CTNNA3: variants seen among roughly 807,000 people sequenced by gnomAD.
CTNNA3 encodes the protein catenin alpha 3, also known as catenin alpha-3.
Under a neutral mutation model 95.7 loss-of-function variants are expected in CTNNA3, and 76 were observed. The ratio of observed to expected loss-of-function variants is 0.79; its 90% CI spans 0.66 to 0.96. The LOEUF (loss-of-function observed/expected upper bound fraction) is 0.96. Among genes scored for constraint, CTNNA3 ranks in the 40% least tolerant of loss-of-function variants. The pLI, the probability that CTNNA3 is intolerant of heterozygous loss-of-function variation, is 0.00. For synonymous variants in CTNNA3, 431 were observed against 374.4 expected (o/e 1.15, Z -1.74); for missense variants, 1,191 against 1,089.8 (o/e 1.09, Z -1.31).
chr10:66,433,658 T>C (rs2131757003), intron 11 of CTNNA3, among the ~76,000 whole-genome samples: 1 of 152,356 alleles, frequency 6.6e-6, no homozygotes, highest in South Asian at 2.1e-4. Context: ...TTAGATCCCA[T>C]TTGTCAATTT....
At chr10:66,207,901 T>C (rs1447058806) in intron 13 of CTNNA3, among the ~76,000 whole-genome samples, 7 of 151,998 alleles carry the variant, frequency 4.6e-5, no homozygotes, top group African/African-American at 9.7e-5. Context: ...AAAAAAAATA[T>C]TGTGCTGTAG....
intron 10 of CTNNA3, among the ~76,000 whole-genome samples, chr10:66,620,930 T>C (rs1310311403): frequency 1.3e-5 from 2 of 152,146 alleles, no homozygotes; most frequent in Admixed American, 6.5e-5. Context: ...TGGTCTTTAT[T>C]AGGAAGTATC....
intron 5 of CTNNA3, among the ~76,000 whole-genome samples, chr10:67,439,058 A>G (rs1437768902): frequency 6.6e-6 from 1 of 152,176 alleles, no homozygotes; most frequent in African/African-American, 2.4e-5. Context: ...ACCTAGGGAC[A>G]GAGTGAAAAA....
intron 17 of CTNNA3, among the ~76,000 whole-genome samples, chr10:65,941,806 A>C (rs1026564396): frequency 5.3e-5 from 8 of 152,208 alleles, no homozygotes; most frequent in Non-Finnish European, 1.0e-4. Context: ...CCAAACACAA[A>C]GAGTCCTGAA....
chr10:66,733,845 T>G (rs1174038597), intron 9 of CTNNA3, among the ~76,000 whole-genome samples: 1 of 151,782 alleles, frequency 6.6e-6, no homozygotes, highest in Non-Finnish European at 1.5e-5. Context: ...TGGCTTATTG[T>G]GTGTAAAATA....
chr10:66,084,154 A>AAAAAAAG lies in CTNNA3; in HGVS notation c.1978-14666_1978-14665insCTTTTTT, dbSNP rs1564627073. On this transcript the variant is annotated intron_variant, in intron 14 of 17. Transcript: ENST00000433211. ...TCATCTCAAAAAAAAAAAAGAAAAA[A>AAAAAAAG]AAAGAAAAAGAAAAAAAGAAAAGGA... Among the ~76,000 whole-genome samples, 19 of 141,388 alleles carry AAAAAAAG rather than the reference A, an allele frequency of 1.3e-4. 2 individuals are homozygous for AAAAAAAG. Among genetic ancestry groups the AAAAAAAG allele is most frequent in the South Asian group, 4.7e-4 (2 of 4,216 alleles). The allele number at this position is 141,388 out of a possible 152,430, so 92.8% of individuals were successfully genotyped here.
chr10:65,991,722 A>G (rs1207180238), intron 15 of CTNNA3, among the ~76,000 whole-genome samples: 1 of 152,026 alleles, frequency 6.6e-6, no homozygotes, highest in Non-Finnish European at 1.5e-5. Context: ...CCCATTTTCC[A>G]ATTTGGATGA....
At chr10:67,101,394 A>T (rs192679282) in intron 7 of CTNNA3, among the ~76,000 whole-genome samples, 1 of 151,726 alleles carries the variant, frequency 6.6e-6, no homozygotes, top group African/African-American at 2.4e-5. Flanking sequence ...TTTTGGCAAG[A>T]TTTCTTCTTA....
intron 5 of CTNNA3, among the ~76,000 whole-genome samples, chr10:67,458,644 C>T (rs761040047): frequency 3.3e-5 from 5 of 151,886 alleles, no homozygotes; most frequent in Admixed American, 6.6e-5. Flanking sequence ...TTTGGAAGGC[C>T]GAAGTGGTCA....
At chr10:66,469,260 G>C (rs372217263) in intron 11 of CTNNA3, among the ~76,000 whole-genome samples, 1 of 151,952 alleles carries the variant, frequency 6.6e-6, no homozygotes, top group African/African-American at 2.4e-5. Flanking sequence ...AAGCTGTCAA[G>C]GAATTTTCAA....
At chr10:67,040,120 A>G (rs1854301259) in intron 7 of CTNNA3, among the ~76,000 whole-genome samples, 1 of 152,082 alleles carries the variant, frequency 6.6e-6, no homozygotes, top group Non-Finnish European at 1.5e-5. Context: ...CTATGACAAC[A>G]TCATTCAGCC....
chr10:67,076,109 G>A (rs144153712), intron 7 of CTNNA3, among the ~76,000 whole-genome samples: 1 of 152,304 alleles, frequency 6.6e-6, no homozygotes, highest in African/African-American at 2.4e-5. Context: ...TATGTAGAAA[G>A]ATGGGAGGGT....
chr10:67,615,070 G>A lies in CTNNA3; in HGVS notation c.100-8021C>T, dbSNP rs564538099. On this transcript the variant is annotated intron_variant, in intron 2 of 17. Coordinates refer to ENST00000433211, the MANE Select transcript of CTNNA3 (RefSeq NM_013266.4). ...GTCACATTCTGAGAAACTGGGGTTA[G>A]GGCTTCAATATGTGAATGTTGGGGT... is the stretch of plus-strand genomic sequence containing the variant. Among the ~76,000 whole-genome samples the A allele has an allele frequency of 1.7e-3, 254 of 152,296 alleles. 1 individual carries two copies. The highest frequency in any genetic ancestry group is 3.5e-3 in the Admixed American group (54 of 15,302).
intron 9 of CTNNA3, among the ~76,000 whole-genome samples, chr10:66,733,243 C>A (rs1227801579): frequency 6.6e-6 from 1 of 151,976 alleles, no homozygotes. Flanking sequence ...AATTTTCTTT[C>A]GAATTTCATC....
rs183463461 is a variant in CTNNA3, at chr10:67,742,467, C to A, written c.-2+20967G>T. Among the ~76,000 whole-genome samples, 1,106 of 151,158 alleles carry A rather than the reference C, an allele frequency of 7.3e-3. 31 individuals carry two copies. Among genetic ancestry groups the A allele is most frequent in the African/African-American group, 0.025 (1,051 of 41,346 alleles). On this transcript the variant is annotated intron_variant, in intron 1 of 17. Transcript: ENST00000684154. ...TTTGAAACCAACGAGAACAAAGACA[C>A]AACATACCAGAATCTCTGGGACACA... is the stretch of plus-strand genomic sequence containing the variant.
At chr10:67,637,819 G>C (rs1657057630) in intron 2 of CTNNA3, among the ~76,000 whole-genome samples, 1 of 149,912 alleles carries the variant, frequency 6.7e-6, no homozygotes, top group African/African-American at 2.5e-5. Context: ...AATGCTGAGA[G>C]ATTTTGTCAC....
intron 7 of CTNNA3, among the ~76,000 whole-genome samples, chr10:66,804,093 T>C (rs997395772): frequency 6.6e-6 from 1 of 151,948 alleles, no homozygotes; most frequent in African/African-American, 2.4e-5. Context: ...TAGTTTATTG[T>C]TTTTCCCCAG....
chr10:66,765,380 C>T (rs190720945), intron 9 of CTNNA3, among the ~76,000 whole-genome samples: 1,526 of 152,158 alleles, frequency 0.01, 27 homozygotes, highest in African/African-American at 0.034. Flanking sequence ...GTGTGGCAGT[C>T]AAAACATTTA....
chr10:66,205,865 A>G (rs946100410), intron 13 of CTNNA3, among the ~76,000 whole-genome samples: 1 of 151,950 alleles, frequency 6.6e-6, no homozygotes, highest in East Asian at 1.9e-4. Context: ...AGTAAAGAAA[A>G]AACAATATAA....
Sources: gnomAD v4.1 joint callset for allele counts (sites outside exome capture counted in the v4.1 genomes callset) on GRCh38, gnomAD v4.1.1 for gene constraint, MANE v1.5 for transcripts, NCBI Gene and HGNC (gene_info 2026-07-23, HGNC 2026-07-21) for gene names.